COL2A1: variants seen among roughly 807,000 people sequenced by gnomAD.
COL2A1 encodes collagen alpha-1(II) chain.
In COL2A1, 28 loss-of-function variants were observed where a neutral mutation model predicts 204.5. That is an observed-to-expected ratio of 0.14 (90% confidence interval 0.10 to 0.19). COL2A1 has a LOEUF of 0.19. Ranked by LOEUF, COL2A1 falls within the 10% of genes least tolerant of loss-of-function variation. The pLI is 1.00. For missense variants in COL2A1, 1,388 were observed against 2,027.5 expected (o/e 0.68, Z 6.06); for synonymous variants, 708 against 718.7 (o/e 0.99, Z 0.24).
chr12:47,994,972 T>C (rs796811860), intron 11 of COL2A1, among the ~76,000 whole-genome samples: 9 of 152,376 alleles, frequency 5.9e-5, no homozygotes, highest in African/African-American at 2.2e-4. Context: ...TTCTGCCTTG[T>C]ATTTTTTCTC....
intron 1 of COL2A1, among the ~76,000 whole-genome samples, chr12:48,000,775 G>A (rs1352654493): frequency 1.3e-5 from 2 of 152,216 alleles, no homozygotes; most frequent in Non-Finnish European, 2.9e-5. Context: ...CTCATTCTTT[G>A]AACCATATTA....
chr12:47,981,071 A>G, intron 37 of COL2A1, 103 bp from the exon 38 acceptor site: 1 of 1,209,972 alleles, frequency 8.3e-7, no homozygotes, highest in Non-Finnish European at 1.2e-6. Flanking sequence ...CCTGTTCCCC[A>G]GAGACGGGGA....
At chr12:47,986,113 G>T in intron 23 of COL2A1, 148 bp from the exon 24 acceptor site, 1 of 860,062 alleles carries the variant, frequency 1.2e-6, no homozygotes, top group South Asian at 1.5e-5. Context: ...AACTTCTGGA[G>T]CCTGCCCCGC....
chr12:47,995,073 A>C lies in COL2A1; in HGVS notation c.762+182T>G, dbSNP rs2276453. On this transcript the variant is annotated intron_variant, in intron 11 of 53. Coordinates refer to ENST00000380518, the MANE Select transcript of COL2A1 (RefSeq NM_001844.5). ...TTGGATCCAAAGCGGTCCCCAGGGAACTTGCCAGCACAGTCACAGTGGCCA... is the reference window on the plus strand; with the variant it reads ...TTGGATCCAAAGCGGTCCCCAGGGACCTTGCCAGCACAGTCACAGTGGCCA... Among the ~76,000 whole-genome samples the C allele has an allele frequency of 0.55, 83,145 of 152,010 alleles. 24,122 individuals carry two copies. Among genetic ancestry groups the C allele is most frequent in the Non-Finnish European group, 0.67 (45,406 of 67,956 alleles).
At chr12:47,990,482 G>A (rs1565687536) in intron 16 of COL2A1, among the ~76,000 whole-genome samples, 1 of 152,178 alleles carries the variant, frequency 6.6e-6, no homozygotes, top group Non-Finnish European at 1.5e-5. Flanking sequence ...CTGCTCAGGG[G>A]GAAGCGCTTT....
At chr12:48,001,466 G>C (rs1052287119) in intron 1 of COL2A1, among the ~76,000 whole-genome samples, 4 of 152,226 alleles carry the variant, frequency 2.6e-5, no homozygotes, top group African/African-American at 9.6e-5. Flanking sequence ...CAGGCGGTGA[G>C]GAAGGTGTGG....
rs1010041685 is a variant in COL2A1, at chr12:47,987,580, C to A, written c.1221+31G>T. On this transcript the variant is annotated intron_variant, in intron 19 of 53. Coordinates refer to ENST00000380518, the MANE Select transcript of COL2A1 (RefSeq NM_001844.5). This position sits in a 1 kb window ranked among gnomAD's most constrained non-coding sequence, Gnocchi z 4.1. ...GAGTTCCAAAGCCACAGACCCCAGACCCCCCCAGGCCAAAGAGAAGCTGCA... is the reference window on the plus strand; with the variant it reads ...GAGTTCCAAAGCCACAGACCCCAGAACCCCCCAGGCCAAAGAGAAGCTGCA... The A allele has an allele frequency of 1.3e-6, 2 of 1,557,768 alleles. No individual in the cohort carries two copies. Among genetic ancestry groups the A allele is most frequent in the Non-Finnish European group, 1.8e-6 (2 of 1,135,422 alleles).
chr12:47,980,276 G>A lies in COL2A1; in HGVS notation c.2626-214C>T, dbSNP rs1466311965. On this transcript the variant is annotated intron_variant, in intron 39 of 53. Coordinates refer to ENST00000380518, the MANE Select transcript of COL2A1 (RefSeq NM_001844.5). This position sits in a 1 kb window ranked among gnomAD's most constrained non-coding sequence, Gnocchi z 4.5. The stretch of plus-strand genomic sequence containing the variant: ...AAGCCTGTCAGGCAACCACAGAACC[G>A]GTCTGGGGTCTGGCCTCCCGGGAAG... Among the ~76,000 whole-genome samples, 2 of 152,150 alleles carry A rather than the reference G, an allele frequency of 1.3e-5. No homozygotes were observed. The highest frequency in any genetic ancestry group is 4.8e-5 in the African/African-American group (2 of 41,442).
chr12:47,993,541 A>G lies in COL2A1; in HGVS notation c.925-39T>C, dbSNP rs1462426300. On this transcript the variant is annotated intron_variant, in intron 14 of 53. Coordinates refer to ENST00000380518, the MANE Select transcript of COL2A1 (RefSeq NM_001844.5). ...GCACAAGGTCAGTGTCTGGGACCCC[A>G]TTCTTGGCCGCCAGCAAACTCCTAG... The G allele has an allele frequency of 1.9e-6, 3 of 1,594,872 alleles. No individual in the cohort carries two copies. In the South Asian group the frequency reaches 3.3e-5, roughly 18 times the overall value.
In COL2A1 at chr12:47,976,440, T is replaced by A; in HGVS notation, c.3489+74A>T. 6.5e-7 allele frequency: 1 copy of A among 1,528,690 alleles called. No homozygotes were observed. Among genetic ancestry groups the A allele is most frequent in the East Asian group, 2.3e-5 (1 of 44,444 alleles). 94.7% of individuals were successfully genotyped at this position (1,528,690 alleles called of 1,614,324 possible). ...CACAGCTTCCCCAGAAGCAGCAGCATTTCCCTCCCCATGGGAACACAGGCC... is the reference window on the plus strand; with the variant it reads ...CACAGCTTCCCCAGAAGCAGCAGCAATTCCCTCCCCATGGGAACACAGGCC... On this transcript the variant is annotated intron_variant, in intron 49 of 53. Transcript: ENST00000380518. This position sits in a 1 kb window ranked among gnomAD's most constrained non-coding sequence, Gnocchi z 4.3.
chr12:47,986,551 G>GC lies in COL2A1; in HGVS notation c.1420-109_1420-108insG, dbSNP rs548290809. 1.5e-3 allele frequency: 1,125 copies of GC among 775,742 alleles called. 23 individuals are homozygous for GC. In the South Asian group the frequency reaches 0.016, roughly 11 times the overall value. 48.1% of individuals were successfully genotyped at this position (775,742 alleles called of 1,614,324 possible). ...GCCTTGGCAACTGTTTCAGGGCTGG[G>GC]GGGGGGCTTGAGGACGAGAGGCCAT... On this transcript the variant is annotated intron_variant, in intron 22 of 53. Coordinates refer to ENST00000380518, the MANE Select transcript of COL2A1 (RefSeq NM_001844.5).
In COL2A1 at chr12:47,976,739, C is replaced by A; in HGVS notation, c.3435+73G>T. The stretch of plus-strand genomic sequence containing the variant: ...TTAGGGTGATCCCAAGCTGTCCTGG[C>A]AGCACAGGGAGCTCAAGTGGGCTCT... On this transcript the variant is annotated intron_variant, in intron 48 of 53. Coordinates refer to ENST00000380518, the MANE Select transcript of COL2A1 (RefSeq NM_001844.5). This position sits in a 1 kb window ranked among gnomAD's most constrained non-coding sequence, Gnocchi z 4.3. 1.4e-6 allele frequency: 2 copies of A among 1,460,586 alleles called. No homozygotes were observed. The highest frequency in any genetic ancestry group is 1.9e-6 in the Non-Finnish European group (2 of 1,053,078). The allele number at this position is 1,460,586 out of a possible 1,614,324, so 90.5% of individuals were successfully genotyped here.
intron 28 of COL2A1, 88 bp from the exon 29 acceptor site, chr12:47,984,228 CAG>C: frequency 8.2e-7 from 1 of 1,219,674 alleles, no homozygotes; most frequent in Non-Finnish European, 1.2e-6. Context: ...ACTTCTGGCC[CAG>C]AGTTTCCAGA....
chr12:47,993,887 A>G (rs1486228810), intron 13 of COL2A1, 25 bp from the exon 14 acceptor site: 2 of 1,614,184 alleles, frequency 1.2e-6, no homozygotes, highest in South Asian at 1.1e-5. Context: ...AAAATGTTCA[A>G]TCAGACTTCT....
chr12:47,982,293 G>A lies in COL2A1; in HGVS notation c.2302-133C>T, dbSNP rs77813711. 48,802 of 873,640 alleles carry A rather than the reference G, an allele frequency of 0.056. 1,753 individuals are homozygous for A. Among genetic ancestry groups the A allele is most frequent in the Non-Finnish European group, 0.071 (37,197 of 523,162 alleles). The allele number at this position is 873,640 out of a possible 1,614,324, so 54.1% of individuals were successfully genotyped here. ...GAGGAATTTGCTGTGGTCTCAGGGT[G>A]GGTGAGGAGCAGCAGGGGTGAGATG... On this transcript the variant is annotated intron_variant, in intron 34 of 53. Transcript: ENST00000380518.
At chr12:47,981,919 C>G (rs539572853) in intron 35 of COL2A1, 90 bp from the exon 36 acceptor site, 2 of 1,391,000 alleles carry the variant, frequency 1.4e-6, no homozygotes, top group Admixed American at 1.9e-5. Context: ...GTGCGTGCTC[C>G]CACCGCCTCC....
intron 2 of COL2A1, 148 bp from the exon 3 acceptor site, chr12:47,998,579 C>CAACAGAGGGGT: frequency 1.2e-6 from 1 of 816,816 alleles, no homozygotes; most frequent in Non-Finnish European, 2.0e-6. Context: ...CACTGAACCC[C>CAACAGAGGGGT]TCTGTTGGGG....
Position 48,002,127 on chromosome 12 carries a change from C to T in COL2A1, c.86-2002G>A, listed in dbSNP as rs555981628. ...CGATTCACAGGTCTCCGCGAGGAAC[C>T]AGTTTAAATAAATACGGGCAGCGTT... On this transcript the variant is annotated intron_variant, in intron 1 of 53. Coordinates refer to ENST00000380518, the MANE Select transcript of COL2A1 (RefSeq NM_001844.5). 2.6e-5 allele frequency among the ~76,000 whole-genome samples: 4 copies of T among 152,252 alleles called. No homozygotes were observed. In the South Asian group the frequency reaches 8.3e-4, roughly 32 times the overall value.
chr12:47,983,584 G>T, intron 30 of COL2A1, 99 bp downstream of exon 30: 1 of 1,459,222 alleles, frequency 6.9e-7, no homozygotes, highest in Non-Finnish European at 9.4e-7. Context: ...CTGGCACCCT[G>T]CAAGAGGTGT....
Sources: allele counts gnomAD v4.1 joint callset (sites outside exome capture counted in the v4.1 genomes callset), GRCh38; gene constraint gnomAD v4.1.1; non-coding constraint Gnocchi (gnomAD v3.1); transcripts MANE v1.5; gene names NCBI Gene and HGNC (gene_info 2026-07-23, HGNC 2026-07-21).